Variants in DCP2 observed in about 807,000 individuals in gnomAD.
The protein encoded by DCP2 is m7GpppN-mRNA hydrolase.
A neutral mutation model predicts 56.1 loss-of-function variants in DCP2; 30 were observed. That is an observed-to-expected ratio of 0.53 (90% CI 0.40 to 0.73). The LOEUF is 0.73. Among genes scored for constraint, DCP2 ranks in the 30% least tolerant of loss-of-function variants. DCP2 has a pLI of 0.00. For missense variants in DCP2, 533 were observed against 502.7 expected, an observed-to-expected ratio of 1.06 and a Z score of -0.58; for synonymous variants, 197 against 163.3, an observed-to-expected ratio of 1.21 and a Z score of -1.57.
rs1213894256 is a variant in DCP2 at position 113,021,231 on chromosome 5, G to C, written c.*7747G>C. Among the ~76,000 whole-genome samples the C allele has an allele frequency of 6.6e-6, 1 of 151,972 alleles. No individual in the cohort carries two copies. Among genetic ancestry groups the C allele is most frequent in the Admixed American group, 6.6e-5 (1 of 15,246 alleles). On this transcript the variant is annotated 3_prime_UTR_variant, in exon 11 of 11. Coordinates refer to ENST00000389063, the MANE Select transcript of DCP2 (RefSeq NM_152624.6). ...AAAATTCAAAAATTAGCTGGGCGTG[G>C]TGGTGCGTGTCTGTAGTCCCAGCTA... is the stretch of plus-strand genomic sequence containing the variant.
intron 1 of DCP2, chr5:112,984,558 A>G (rs1270566533): frequency 6.6e-6 from 1 of 151,752 alleles, no homozygotes; most frequent in Non-Finnish European, 1.5e-5. Flanking sequence ...AGCTCTGCCT[A>G]ACCTTGCCTG....
chr5:113,000,873 C>A (rs775130370), intron 4 of DCP2, among the ~76,000 whole-genome samples: 41 of 152,294 alleles, frequency 2.7e-4, no homozygotes, highest in Non-Finnish European at 3.5e-4. Flanking sequence ...TCTCTATATA[C>A]CATACCACCT....
chr5:112,995,325 C>T (rs1263514617), intron 4 of DCP2, among the ~76,000 whole-genome samples: 1 of 152,126 alleles, frequency 6.6e-6, no homozygotes, highest in South Asian at 2.1e-4. Flanking sequence ...GGAAATGAGA[C>T]GGACCAATTG....
intron 4 of DCP2, among the ~76,000 whole-genome samples, chr5:112,994,041 T>C (rs566066615): frequency 3.3e-5 from 5 of 151,956 alleles, no homozygotes; most frequent in African/African-American, 1.2e-4. Context: ...AAGTGATCTC[T>C]CCTCCTCGGC....
chr5:113,000,026 A>G (rs1249254176), intron 4 of DCP2, among the ~76,000 whole-genome samples: 1 of 138,770 alleles, frequency 7.2e-6, no homozygotes, highest in East Asian at 2.2e-4. Flanking sequence ...CCACCATTGC[A>G]CTCCAGCCCG....
At chr5:113,011,171 T>G (rs554458534) in intron 10 of DCP2, among the ~76,000 whole-genome samples, 35 of 152,198 alleles carry the variant, frequency 2.3e-4, no homozygotes, top group Non-Finnish European at 4.6e-4. Flanking sequence ...GCACTGACTT[T>G]AGAAGGGGAA....
At chr5:112,992,639 C>T in intron 3 of DCP2, 33 bp from the exon 4 acceptor site, 2 of 1,462,680 alleles carry the variant, frequency 1.4e-6, no homozygotes, top group South Asian at 1.2e-5. Context: ...AAAAGGAGGG[C>T]AAGTTTGATT....
At chr5:112,992,844 C>G in intron 4 of DCP2, 74 bp downstream of exon 4, 1 of 1,164,912 alleles carries the variant, frequency 8.6e-7, no homozygotes, top group Non-Finnish European at 1.2e-6. Context: ...GCCATATAGA[C>G]TTACTTCTTT....
At position 113,014,506 on chromosome 5, in the gene DCP2, A is replaced by G. The variant is rs1749805824; in HGVS notation, c.*1022A>G. ...AGGGAAGGGGTATGCAGTTTACCCA[A>G]GTCCAAATAAAGCATTTCACTAGGT... On this transcript the variant is annotated 3_prime_UTR_variant, in exon 11 of 11. Transcript: ENST00000389063. 1 of 152,654 alleles carries G rather than the reference A, an allele frequency of 6.6e-6. No homozygotes were observed. The highest frequency in any genetic ancestry group is 1.5e-5 in the Non-Finnish European group (1 of 68,036). 9.5% of individuals were successfully genotyped at this position (152,654 alleles called of 1,614,324 possible).
chr5:113,010,656 C>T, intron 9 of DCP2, 100 bp from the exon 10 acceptor site: 2 of 1,281,788 alleles, frequency 1.6e-6, no homozygotes, highest in South Asian at 1.8e-5. Context: ...GTTTTTCTTC[C>T]TGAGAAATTT....
intron 4 of DCP2, among the ~76,000 whole-genome samples, chr5:112,993,245 C>T (rs1309437431): frequency 6.6e-6 from 1 of 152,180 alleles, no homozygotes; most frequent in Non-Finnish European, 1.5e-5. Flanking sequence ...CTCTCCCCCA[C>T]ACAAATCTTA....
intron 9 of DCP2, among the ~76,000 whole-genome samples, chr5:113,009,171 G>A (rs1749572840): frequency 1.3e-5 from 2 of 152,174 alleles, no homozygotes; most frequent in East Asian, 1.9e-4. Context: ...ATAATATTGT[G>A]CAAGTGTTAA....
chr5:113,007,418 A>G (rs1749491358), intron 8 of DCP2, among the ~76,000 whole-genome samples: 1 of 150,468 alleles, frequency 6.6e-6, no homozygotes, highest in South Asian at 2.1e-4. Flanking sequence ...TTTTTTTGAA[A>G]AAGAGATAGT....
In DCP2 at chr5:113,007,986, A is replaced by G; in HGVS notation, c.991A>G (p.Asn331Asp). 1 of 1,614,086 alleles carries G rather than the reference A, an allele frequency of 6.2e-7. No individual in the cohort carries two copies. The highest frequency in any genetic ancestry group is 1.1e-5 in the South Asian group (1 of 91,084). ...NGRKQYQDSP[N>D]QKKRTNGLQP... The stretch of plus-strand genomic sequence containing the variant: ...CAGAAAACAGTATCAAGATTCACCT[A>G]ATCAAAAGAAAAGAACAAATGGGCT... The change falls in exon 9 of 11, where the codon AAT (asparagine) becomes GAT (aspartate). Residue 331 changes from asparagine to aspartate, a missense_variant. This residue lies in a region of DCP2 where 392 missense variants were observed against 346.6 expected (regional missense o/e 1.13). Transcript: ENST00000389063.
intron 2 of DCP2, among the ~76,000 whole-genome samples, chr5:112,991,297 T>C (rs1183943546): frequency 6.6e-6 from 1 of 152,236 alleles, no homozygotes; most frequent in East Asian, 1.9e-4. Flanking sequence ...TCATAAATTA[T>C]CATTTTCTCT....
intron 8 of DCP2, among the ~76,000 whole-genome samples, chr5:113,006,321 T>C (rs1749435958): frequency 1.3e-5 from 2 of 152,136 alleles, no homozygotes; most frequent in Non-Finnish European, 2.9e-5. Context: ...TACTGTTTAT[T>C]GGTTGCAGAG....
intron 2 of DCP2, among the ~76,000 whole-genome samples, chr5:112,986,753 C>G (rs149075673): frequency 5.3e-5 from 8 of 152,156 alleles, no homozygotes; most frequent in African/African-American, 1.9e-4. Context: ...AATCCCAGTA[C>G]TTTTGAGAGG....
chr5:113,005,151 GGTGTGT>G lies in DCP2; in HGVS notation c.942+1087_942+1092del, dbSNP rs56389236. 3.8e-3 allele frequency among the ~76,000 whole-genome samples: 568 copies of G among 149,524 alleles called. 2 individuals carry two copies. The highest frequency in any genetic ancestry group is 6.8e-3 in the Middle Eastern group (2 of 294). ...TCTCAAAAAAAAAAGTGTGCGTGTG[GGTGTGT>G]GTGTGTGTGTGTAAACTGGGCTTGT... On this transcript the variant is annotated intron_variant, in intron 8 of 10. Coordinates refer to ENST00000389063, the MANE Select transcript of DCP2 (RefSeq NM_152624.6).
intron 4 of DCP2, among the ~76,000 whole-genome samples, chr5:112,999,302 T>C (rs971432968): frequency 6.6e-6 from 1 of 152,150 alleles, no homozygotes; most frequent in Non-Finnish European, 1.5e-5. Flanking sequence ...TTAAGAAACA[T>C]ATAAAAATTA....
Sources: allele counts gnomAD v4.1 joint callset (sites outside exome capture counted in the v4.1 genomes callset), GRCh38; gene constraint gnomAD v4.1.1; regional missense constraint gnomAD v4.1.1; transcripts MANE v1.5; gene names NCBI Gene and HGNC (gene_info 2026-07-23, HGNC 2026-07-21).